FGF14: variants seen among roughly 807,000 people sequenced by gnomAD.
FGF14 encodes the protein fibroblast growth factor 14.
A neutral mutation model predicts 25.5 loss-of-function variants in FGF14; 5 were observed. That is an observed-to-expected ratio of 0.20 (90% CI 0.10 to 0.41). The LOEUF is 0.41. Among genes scored for constraint, FGF14 ranks in the 10% least tolerant of loss-of-function variants. The pLI, the probability that FGF14 is intolerant of heterozygous loss-of-function variation, is 1.00. For missense variants in FGF14, 222 were observed against 320.1 expected, an observed-to-expected ratio of 0.69 and a Z score of 2.34; for synonymous variants, 138 against 118.3, an observed-to-expected ratio of 1.17 and a Z score of -1.08.
chr13:102,348,299 G>A (rs1391535089), intron 1 of FGF14, among the ~76,000 whole-genome samples: 1 of 152,162 alleles, frequency 6.6e-6, no homozygotes, highest in African/African-American at 2.4e-5. Context: ...TAAGGAACCA[G>A]TTTCCTAAAA....
chr13:101,914,709 T>A (rs1388384103), intron 1 of FGF14, among the ~76,000 whole-genome samples: 1 of 152,220 alleles, frequency 6.6e-6, no homozygotes. Context: ...ATTTATAAAA[T>A]AATCTACTGG....
intron 1 of FGF14, among the ~76,000 whole-genome samples, chr13:102,043,580 A>T (rs1314824598): frequency 6.6e-6 from 1 of 152,184 alleles, no homozygotes; most frequent in Non-Finnish European, 1.5e-5. Context: ...TTGAGGGAGA[A>T]ATTAAAAAGA....
chr13:101,800,649 T>C (rs1451175864), intron 3 of FGF14, among the ~76,000 whole-genome samples: 1 of 152,192 alleles, frequency 6.6e-6, no homozygotes, highest in Non-Finnish European at 1.5e-5. Flanking sequence ...GTTCTGTGTG[T>C]CCAGACACTT....
At chr13:102,315,500 C>A (rs183193572) in intron 1 of FGF14, among the ~76,000 whole-genome samples, 109 of 152,278 alleles carry the variant, frequency 7.2e-4, no homozygotes, top group Non-Finnish European at 2.9e-4. Context: ...GCATTATGAA[C>A]CATTTGTGTT....
intron 1 of FGF14, among the ~76,000 whole-genome samples, chr13:101,894,246 G>C (rs957802534): frequency 1.3e-5 from 2 of 152,196 alleles, no homozygotes; most frequent in African/African-American, 4.8e-5. Context: ...TGGAAGAGAA[G>C]ATAGAAAAAT....
intron 1 of FGF14, among the ~76,000 whole-genome samples, chr13:102,200,129 T>C (rs1266881797): frequency 6.6e-6 from 1 of 152,132 alleles, no homozygotes; most frequent in Non-Finnish European, 1.5e-5. Flanking sequence ...TTAAATGAAA[T>C]TGTGAACACA....
intron 3 of FGF14, among the ~76,000 whole-genome samples, chr13:101,797,783 T>TGCGTGTGTGTGTG: frequency 1.4e-5 from 1 of 69,192 alleles, no homozygotes; most frequent in Non-Finnish European, 3.4e-5. Context: ...GTGTGTGTGT[T>TGCGTGTGTGTGTG]CAACCTCAGT....
intron 1 of FGF14, among the ~76,000 whole-genome samples, chr13:102,068,980 T>C (rs748496577): frequency 5.9e-5 from 9 of 152,194 alleles, no homozygotes; most frequent in Non-Finnish European, 8.8e-5. Flanking sequence ...TAGCTCGGGA[T>C]TGTAAACACA....
chr13:102,400,467 C>G lies in FGF14; in HGVS notation c.208+1004G>C, dbSNP rs144548770. Reference sequence around the variant, plus strand: ...TCCGGGAAAGGCTGCGCCCAGCCTCCTCGCCAGCGCCGCCGCCACCACCAT... The same window carrying G: ...TCCGGGAAAGGCTGCGCCCAGCCTCGTCGCCAGCGCCGCCGCCACCACCAT... On this transcript the variant is annotated intron_variant, in intron 1 of 4. Coordinates refer to the FGF14 transcript ENST00000376131. The surrounding 1 kb of genome is among the most constrained non-coding windows in gnomAD (Gnocchi z 4.3). 2.6e-5 allele frequency among the ~76,000 whole-genome samples: 4 copies of G among 152,340 alleles called. No homozygotes were observed. The highest frequency in any genetic ancestry group is 5.9e-5 in the Non-Finnish European group (4 of 68,028).
At chr13:101,883,770 T>A (rs1234832619) in intron 1 of FGF14, among the ~76,000 whole-genome samples, 1 of 151,826 alleles carries the variant, frequency 6.6e-6, no homozygotes, top group Non-Finnish European at 1.5e-5. Context: ...ACTTTAAAGA[T>A]AAGAAAATGA....
intron 1 of FGF14, among the ~76,000 whole-genome samples, chr13:101,912,851 C>T (rs1329021560): frequency 6.6e-6 from 1 of 152,012 alleles, no homozygotes; most frequent in Non-Finnish European, 1.5e-5. Context: ...GCCTATTAAC[C>T]TTCCTTATTT....
chr13:101,735,595 C>T (rs1411951214), intron 3 of FGF14, among the ~76,000 whole-genome samples: 1 of 151,534 alleles, frequency 6.6e-6, no homozygotes, highest in Admixed American at 6.6e-5. Flanking sequence ...TTTTCCCCCT[C>T]ACTGATCAAT....
chr13:101,901,182 A>G (rs1321435132), intron 1 of FGF14, among the ~76,000 whole-genome samples: 1 of 151,966 alleles, frequency 6.6e-6, no homozygotes, highest in African/African-American at 2.4e-5. Flanking sequence ...ACAAGAAAAT[A>G]TAAAGAAAGT....
chr13:102,106,597 AGGGAGG>A (rs2044929411), intron 1 of FGF14, among the ~76,000 whole-genome samples: 2 of 125,220 alleles, frequency 1.6e-5, no homozygotes, highest in Admixed American at 8.6e-5. Flanking sequence ...GGAGGGAGGG[AGGGAGG>A]GAGAGAGAAA....
intron 3 of FGF14, among the ~76,000 whole-genome samples, chr13:101,834,315 A>G (rs905451517): frequency 3.3e-5 from 5 of 152,202 alleles, no homozygotes; most frequent in African/African-American, 9.6e-5. Context: ...ACTTGAGCAC[A>G]TGGGTACCTT....
intron 1 of FGF14, among the ~76,000 whole-genome samples, chr13:102,315,040 T>G (rs1353769738): frequency 6.6e-6 from 1 of 151,170 alleles, no homozygotes; most frequent in Non-Finnish European, 1.5e-5. Flanking sequence ...TACAAACATG[T>G]ATACATATAT....
intron 1 of FGF14, among the ~76,000 whole-genome samples, chr13:102,062,874 T>C (rs1404445456): frequency 6.6e-6 from 1 of 152,214 alleles, no homozygotes; most frequent in Non-Finnish European, 1.5e-5. Flanking sequence ...TAATTTTCAC[T>C]AAAAATTTGA....
chr13:101,756,835 C>T (rs536858528), intron 3 of FGF14, among the ~76,000 whole-genome samples: 2 of 152,292 alleles, frequency 1.3e-5, no homozygotes, highest in Non-Finnish European at 2.9e-5. Flanking sequence ...ACAATTGGCA[C>T]TATCCTGAGC....
chr13:101,876,799 G>A (rs538360896), intron 1 of FGF14, among the ~76,000 whole-genome samples: 2 of 151,870 alleles, frequency 1.3e-5, no homozygotes, highest in South Asian at 4.2e-4. Context: ...TGCACTAGTG[G>A]AAAAAAAATA....
Sources: gnomAD v4.1 joint callset for allele counts (sites outside exome capture counted in the v4.1 genomes callset) on GRCh38, gnomAD v4.1.1 for gene constraint, Gnocchi (gnomAD v3.1) non-coding constraint, MANE v1.5 for transcripts, NCBI Gene and HGNC (gene_info 2026-07-23, HGNC 2026-07-21) for gene names.